The following NADK2 variants were observed in gnomAD, a reference collection of about 807,000 sequenced individuals.
NADK2 encodes NAD kinase domain-containing protein 1, mitochondrial.
Under a neutral mutation model 62.1 loss-of-function variants are expected in NADK2, and 35 were observed. The ratio of observed to expected loss-of-function variants is 0.56; its 90% CI spans 0.43 to 0.75. The LOEUF (loss-of-function observed/expected upper bound fraction) is 0.75, where lower values mean the gene tolerates loss of function less well. Ranked by LOEUF, NADK2 falls within the 30% of genes least tolerant of loss-of-function variation. The probability of loss-of-function intolerance (pLI) is 0.00; values close to 1 mark genes in which losing one functional copy is unlikely to be tolerated. For synonymous variants in NADK2, 205 were observed against 207.9 expected (o/e 0.99, Z 0.12); for missense variants, 439 against 561.3 (o/e 0.78, Z 2.20).
At position 36,241,769 on chromosome 5, in the gene NADK2, G is replaced by A; in HGVS notation, c.30C>T (p.Gly10=). ...GGCCGCCCGCCACGCGACAACAGCT[G>A]CCCAGCAAGAAGCCTCGGTAGCAAG... is the stretch of plus-strand genomic sequence containing the variant. MTCYRGFLL[G]SCCRVAGGRA... Residue 10 remains glycine (G), a synonymous_variant, in exon 1 of 12, where the codon GGC becomes GGT. Transcript: ENST00000381937. The surrounding 1 kb of genome is among the most constrained non-coding windows in gnomAD (Gnocchi z 4.9). The A allele has an allele frequency of 7.5e-7, 1 of 1,339,974 alleles. No homozygotes were observed. The allele number at this position is 1,339,974 out of a possible 1,614,324, so 83.0% of individuals were successfully genotyped here. A position where few individuals can be genotyped will look rare whatever the true frequency, so the allele number is the denominator to read the frequency against.
intron 1 of NADK2, among the ~76,000 whole-genome samples, chr5:36,233,611 A>G (rs994299138): frequency 6.6e-6 from 1 of 152,194 alleles, no homozygotes; most frequent in Non-Finnish European, 1.5e-5. Context: ...ACTAGGCTAA[A>G]TTCTTCCCTG....
Position 36,241,434 on chromosome 5 carries a change from G to T in NADK2, c.300+65C>A. On this transcript the variant is annotated intron_variant, in intron 1 of 11. Coordinates refer to ENST00000381937, the MANE Select transcript of NADK2 (RefSeq NM_001085411.3). This position sits in a 1 kb window ranked among gnomAD's most constrained non-coding sequence, Gnocchi z 4.9. ...GTCGTCCCGAGAGGTCCCCCCGAGG[G>T]GGCGCAGCCGCCACCAGAGCCCCGG... 6.8e-7 allele frequency: 1 copy of T among 1,465,294 alleles called. No individual in the cohort carries two copies. Among genetic ancestry groups the T allele is most frequent in the South Asian group, 1.3e-5 (1 of 79,212 alleles). 90.8% of individuals were successfully genotyped at this position (1,465,294 alleles called of 1,614,324 possible). A position where few individuals can be genotyped will look rare whatever the true frequency, so the allele number is the denominator to read the frequency against.
intron 7 of NADK2, chr5:36,208,593 A>G (rs1344204869): frequency 6.9e-7 from 1 of 1,446,010 alleles, no homozygotes; most frequent in Non-Finnish European, 9.3e-7. Flanking sequence ...GTTTCAGGGA[A>G]ATTATTTTTT....
At chr5:36,200,664 G>A (rs911497846) in intron 9 of NADK2, among the ~76,000 whole-genome samples, 4 of 151,866 alleles carry the variant, frequency 2.6e-5, no homozygotes, top group African/African-American at 9.7e-5. Context: ...ACCCACCTGG[G>A]ATATGAGTCA....
At chr5:36,229,581 T>A (rs560019862) in intron 1 of NADK2, among the ~76,000 whole-genome samples, 1 of 151,968 alleles carries the variant, frequency 6.6e-6, no homozygotes, top group Admixed American at 6.5e-5. Context: ...CACCTCTCAG[T>A]GAGTATGGAC....
intron 7 of NADK2, 104 bp downstream of exon 7, chr5:36,211,740 C>A: frequency 4.2e-6 from 4 of 963,074 alleles, no homozygotes; most frequent in South Asian, 1.5e-5. Flanking sequence ...CCATTACTTG[C>A]AAAATATTAT....
At chr5:36,236,865 C>T (rs1379304951) in intron 1 of NADK2, among the ~76,000 whole-genome samples, 1 of 92,362 alleles carries the variant, frequency 1.1e-5, no homozygotes, top group African/African-American at 4.8e-5. Context: ...TGAGCTTAAC[C>T]TCAAAAAAAA....
intron 11 of NADK2, 23 bp from the exon 12 acceptor site, chr5:36,195,305 T>A: frequency 1.3e-6 from 2 of 1,585,292 alleles, no homozygotes; most frequent in Non-Finnish European, 8.6e-7. Context: ...AAATATCTCA[T>A]TAAATAGTAA....
chr5:36,211,365 C>T (rs530485158), intron 7 of NADK2, among the ~76,000 whole-genome samples: 17 of 152,016 alleles, frequency 1.1e-4, no homozygotes, highest in South Asian at 6.2e-4. Context: ...CCTGACTTCC[C>T]GCAACAATGG....
Position 36,241,416 on chromosome 5 carries a change from CGA to C in NADK2, c.300+81_300+82del, listed in dbSNP as rs1287075016. 2.1e-6 allele frequency: 3 copies of C among 1,425,734 alleles called. No individual in the cohort carries two copies. Among genetic ancestry groups the C allele is most frequent in the Non-Finnish European group, 2.7e-6 (3 of 1,092,708 alleles). 88.3% of individuals were successfully genotyped at this position (1,425,734 alleles called of 1,614,324 possible). On this transcript the variant is annotated intron_variant, in intron 1 of 11. Transcript: ENST00000381937. The surrounding 1 kb of genome is among the most constrained non-coding windows in gnomAD (Gnocchi z 4.9). ...TGCGGTGCCCTGGGAAGAGTCGTCCCGAGAGGTCCCCCCGAGGGGGCGCAGCC... is the reference window on the plus strand; with the variant it reads ...TGCGGTGCCCTGGGAAGAGTCGTCCCGAGGTCCCCCCGAGGGGGCGCAGCC...
intron 6 of NADK2, among the ~76,000 whole-genome samples, chr5:36,214,041 A>G (rs568782159): frequency 6.6e-6 from 1 of 152,334 alleles, no homozygotes; most frequent in South Asian, 2.1e-4. Context: ...TTGACAATAA[A>G]TAAAATTGTT....
chr5:36,205,920 A>C lies in NADK2; in HGVS notation c.956+1250T>G, dbSNP rs1176629313. 1.3e-5 allele frequency among the ~76,000 whole-genome samples: 2 copies of C among 152,186 alleles called. No homozygotes were observed. The highest frequency in any genetic ancestry group is 2.9e-5 in the Non-Finnish European group (2 of 68,036). On this transcript the variant is annotated intron_variant, in intron 8 of 11. Coordinates refer to ENST00000381937, the MANE Select transcript of NADK2 (RefSeq NM_001085411.3). The surrounding 1 kb of genome is among the most constrained non-coding windows in gnomAD (Gnocchi z 4.1). ...ATTGTCCACCAATAACAGACTGGAT[A>C]AAGAAAATGTGGCACATATATACCA... is the stretch of plus-strand genomic sequence containing the variant.
At chr5:36,200,444 T>C (rs944225046) in intron 9 of NADK2, among the ~76,000 whole-genome samples, 164 bp from the exon 10 acceptor site, 1 of 151,896 alleles carries the variant, frequency 6.6e-6, no homozygotes, top group Non-Finnish European at 1.5e-5. Context: ...GTATACATTA[T>C]ATAGCATATT....
At chr5:36,228,383 C>T (rs1400830739) in intron 1 of NADK2, among the ~76,000 whole-genome samples, 1 of 152,092 alleles carries the variant, frequency 6.6e-6, no homozygotes, top group Admixed American at 6.6e-5. Flanking sequence ...GTTATTTGTA[C>T]TTTCTTTGCT....
At chr5:36,204,537 G>A (rs1746564342) in intron 8 of NADK2, among the ~76,000 whole-genome samples, 1 of 152,030 alleles carries the variant, frequency 6.6e-6, no homozygotes, top group South Asian at 2.1e-4. Flanking sequence ...CATCATAAAT[G>A]ACAGAAAGCT....
At chr5:36,210,580 A>T (rs1259333265) in intron 7 of NADK2, among the ~76,000 whole-genome samples, 1 of 152,178 alleles carries the variant, frequency 6.6e-6, no homozygotes, top group Non-Finnish European at 1.5e-5. Flanking sequence ...AAAATAAGGG[A>T]TATTCTGCAA....
Position 36,227,571 on chromosome 5 carries a change from T to G in NADK2, c.301-6A>C. 6.7e-7 allele frequency: 1 copy of G among 1,498,748 alleles called. No individual in the cohort carries two copies. Among genetic ancestry groups the G allele is most frequent in the Non-Finnish European group, 8.9e-7 (1 of 1,122,100 alleles). The allele number at this position is 1,498,748 out of a possible 1,614,324, so 92.8% of individuals were successfully genotyped here. A position where few individuals can be genotyped will look rare whatever the true frequency, so the allele number is the denominator to read the frequency against. The stretch of plus-strand genomic sequence containing the variant: ...CTAGAGCCTTTCAATGCAAGCTATA[T>G]CAAAACAAAAGAAACGTTGTTTTAC... On this transcript the variant is annotated splice_region_variant and splice_polypyrimidine_tract_variant and intron_variant, in intron 1 of 11. Coordinates refer to ENST00000381937, the MANE Select transcript of NADK2 (RefSeq NM_001085411.3).
intron 6 of NADK2, 87 bp from the exon 7 acceptor site, chr5:36,212,009 TTA>T (rs748700692): frequency 7.0e-6 from 7 of 993,760 alleles, no homozygotes; most frequent in Non-Finnish European, 1.1e-5. Flanking sequence ...ACTACAACTT[TTA>T]TATTTTTGTT....
chr5:36,209,518 A>T (rs1359109966), intron 7 of NADK2, among the ~76,000 whole-genome samples: 3 of 152,100 alleles, frequency 2.0e-5, no homozygotes, highest in Admixed American at 2.0e-4. Context: ...TTTAAGGTAG[A>T]CTTTCTCCAA....
Sources: gnomAD v4.1 joint callset for allele counts (sites outside exome capture counted in the v4.1 genomes callset) on GRCh38, gnomAD v4.1.1 for gene constraint, Gnocchi (gnomAD v3.1) non-coding constraint, MANE v1.5 for transcripts, NCBI Gene and HGNC (gene_info 2026-07-23, HGNC 2026-07-21) for gene names.